PTPRQ: variants seen among roughly 807,000 people sequenced by gnomAD.
PTPRQ encodes protein tyrosine phosphatase receptor type Q.
Under a neutral mutation model 246.0 loss-of-function variants are expected in PTPRQ, and 199 were observed. The observed-to-expected ratio is 0.81, with a 90% CI of 0.72 to 0.91. The LOEUF (loss-of-function observed/expected upper bound fraction) is 0.91. PTPRQ is among the 40% of genes least tolerant of loss of function. The pLI, the probability that PTPRQ is intolerant of heterozygous loss-of-function variation, is 0.00. For synonymous variants in PTPRQ, 869 were observed against 853.2 expected, an observed-to-expected ratio of 1.02 and a Z score of -0.32; for missense variants, 2,624 against 2,528.4, an observed-to-expected ratio of 1.04 and a Z score of -0.81.
chr12:80,541,690 G>A lies in PTPRQ; in HGVS notation c.3290G>A (p.Arg1097His), dbSNP rs535071906. Residue 1097 changes from arginine to histidine, a missense_variant, in exon 21 of 45, where the codon CGC becomes CAC. Transcript: ENST00000644991. ...YVSLILQQTP[R>H]HVRPPLVTYE... ...TCACTGATCTTACAGCAGACTCCTC[G>A]CCATGTGAGACCACCTCTTGTTACA... The A allele has an allele frequency of 1.2e-5, 19 of 1,551,200 alleles. No individual in the cohort carries two copies. The highest frequency in any genetic ancestry group is 1.2e-4 in the East Asian group (5 of 40,896).
intron 25 of PTPRQ, among the ~76,000 whole-genome samples, chr12:80,556,903 G>A (rs985416349): frequency 6.6e-6 from 1 of 152,176 alleles, no homozygotes; most frequent in African/African-American, 2.4e-5. Flanking sequence ...AGGAGTGTAA[G>A]CAGGAAGGTT....
chr12:80,605,283 T>C (rs897783273), intron 27 of PTPRQ, 103 bp downstream of exon 27: 2 of 1,372,654 alleles, frequency 1.5e-6, no homozygotes, highest in African/African-American at 1.5e-5. Flanking sequence ...TGTTAGACAG[T>C]AGGAAAATTA....
intron 43 of PTPRQ, among the ~76,000 whole-genome samples, chr12:80,675,882 G>C (rs1901120378): frequency 6.6e-6 from 1 of 152,086 alleles, no homozygotes; most frequent in African/African-American, 2.4e-5. Flanking sequence ...TGTTTAGTTA[G>C]CCTCTTTGAG....
intron 9 of PTPRQ, among the ~76,000 whole-genome samples, chr12:80,486,345 C>T (rs1308501245): frequency 6.6e-6 from 1 of 152,144 alleles, no homozygotes; most frequent in African/African-American, 2.4e-5. Flanking sequence ...CTCTTTACTT[C>T]TCTGATTATA....
intron 38 of PTPRQ, among the ~76,000 whole-genome samples, chr12:80,653,369 A>G (rs1900317028): frequency 6.6e-6 from 1 of 152,194 alleles, no homozygotes; most frequent in South Asian, 2.1e-4. Flanking sequence ...AAACAGTGTT[A>G]TTGCTTAAAG....
rs538709783 is a variant in PTPRQ, at chr12:80,466,028, G to A, written c.911-2682G>A. Among the ~76,000 whole-genome samples the A allele has an allele frequency of 4.6e-5, 7 of 152,212 alleles. No homozygotes were observed. The East Asian group carries it at 9.7e-4, about 21-fold the overall frequency. On this transcript the variant is annotated intron_variant, in intron 6 of 44. Coordinates refer to ENST00000644991, the MANE Select transcript of PTPRQ (RefSeq NM_001145026.2). ...CAGGGCAATTAGGCAGGAGAAGGAA[G>A]TAAACGGTATTCAATTAGGAAAAGA...
rs1171117342 is a variant in PTPRQ, at chr12:80,493,303, T to G, written c.1388T>G (p.Ile463Ser). Residue 463 changes from isoleucine (I) to serine (S), a missense_variant, in exon 10 of 45, where the codon ATT becomes AGT. Transcript: ENST00000644991. ...EYINDPMAPE[I>S]VNIVEPMVGL... ...ATAAATGACCCCATGGCTCCAGAAA[T>G]TGTGAACATAGTAGAGCCAATGGTA... 1 of 1,540,280 alleles carries G rather than the reference T, an allele frequency of 6.5e-7. No individual in the cohort carries two copies. Among genetic ancestry groups the G allele is most frequent in the Non-Finnish European group, 8.8e-7 (1 of 1,142,348 alleles).
Position 80,610,427 on chromosome 12 carries a change from A to G in PTPRQ, c.4732-12A>G, listed in dbSNP as rs1320681570. The G allele has an allele frequency of 1.0e-5, 15 of 1,451,792 alleles. No individual in the cohort carries two copies. Among genetic ancestry groups the G allele is most frequent in the South Asian group, 1.4e-5 (1 of 69,114 alleles). 89.9% of individuals were successfully genotyped at this position (1,451,792 alleles called of 1,614,324 possible). Reference sequence around the variant, plus strand: ...TGCTGCTTCCTTAATTTTTACTTATATTTTCCTATAGGTAGATAATGATGA... The same window carrying G: ...TGCTGCTTCCTTAATTTTTACTTATGTTTTCCTATAGGTAGATAATGATGA... On this transcript the variant is annotated splice_polypyrimidine_tract_variant and intron_variant, in intron 27 of 44. Transcript: ENST00000644991.
intron 23 of PTPRQ, among the ~76,000 whole-genome samples, chr12:80,545,765 A>G (rs1451598030): frequency 1.4e-5 from 2 of 147,638 alleles, no homozygotes; most frequent in Non-Finnish European, 3.0e-5. Flanking sequence ...ATAATAATTT[A>G]TTATTATTAT....
Position 80,603,413 on chromosome 12 carries a change from C to T in PTPRQ, c.4610-1646C>T, listed in dbSNP as rs182941137. Among the ~76,000 whole-genome samples the T allele has an allele frequency of 1.1e-3, 162 of 151,794 alleles. 1 individual carries two copies. The highest frequency in any genetic ancestry group is 2.9e-3 in the African/African-American group (120 of 41,484). ...AAAGAATAAACTCCAAATTCTTTAACGTAACAATCAGGTACTCTCTAGCTT... is the reference window on the plus strand; with the variant it reads ...AAAGAATAAACTCCAAATTCTTTAATGTAACAATCAGGTACTCTCTAGCTT... On this transcript the variant is annotated intron_variant, in intron 26 of 44. Coordinates refer to ENST00000644991, the MANE Select transcript of PTPRQ (RefSeq NM_001145026.2).
chr12:80,531,145 A>G (rs899906124), intron 17 of PTPRQ, among the ~76,000 whole-genome samples: 1 of 152,082 alleles, frequency 6.6e-6, no homozygotes, highest in Non-Finnish European at 1.5e-5. Flanking sequence ...CATTGTTAAT[A>G]ATAGCTAAAG....
chr12:80,445,917 A>C (rs994370606), intron 3 of PTPRQ, among the ~76,000 whole-genome samples, 200 bp downstream of exon 3: 3 of 151,862 alleles, frequency 2.0e-5, no homozygotes, highest in Admixed American at 2.0e-4. Context: ...AATTTTATGC[A>C]TATTTATATA....
intron 14 of PTPRQ, among the ~76,000 whole-genome samples, chr12:80,501,021 T>G (rs1894783296): frequency 6.6e-6 from 1 of 151,846 alleles, no homozygotes; most frequent in Admixed American, 6.6e-5. Flanking sequence ...CAGGATTGAA[T>G]AAGATGAGGA....
At chr12:80,511,447 C>A (rs571585684) in intron 17 of PTPRQ, among the ~76,000 whole-genome samples, 1 of 152,246 alleles carries the variant, frequency 6.6e-6, no homozygotes, top group Admixed American at 6.5e-5. Context: ...CTCATTCATT[C>A]ATTGAACAAT....
In PTPRQ at chr12:80,669,371, C is replaced by G; in HGVS notation, c.6360C>G (p.Asn2120Lys). The change falls in exon 41 of 45, where the codon AAC becomes AAG. Residue 2120 changes from asparagine (N) to lysine (K), a missense_variant. Physicochemically the swap from Asn to Lys is moderately conservative, Grantham distance 94. Coordinates refer to ENST00000644991, the MANE Select transcript of PTPRQ (RefSeq NM_001145026.2). ...GCCATCAGTATTGGCCAGAGGACAA[C>G]AAGCCAGTTACTGTCTTTGGAGATA... The part of the protein sequence containing the change: ...IRCHQYWPED[N>K]KPVTVFGDIV... 2.6e-6 allele frequency: 4 copies of G among 1,549,406 alleles called. No homozygotes were observed. Among genetic ancestry groups the G allele is most frequent in the Non-Finnish European group, 3.5e-6 (4 of 1,145,894 alleles).
At chr12:80,634,066 A>G (rs889595872) in intron 34 of PTPRQ, among the ~76,000 whole-genome samples, 2 of 152,158 alleles carry the variant, frequency 1.3e-5, no homozygotes, top group Non-Finnish European at 2.9e-5. Flanking sequence ...TACCTCCTCT[A>G]AATAATAATA....
chr12:80,607,620 A>T (rs761398272), intron 27 of PTPRQ, among the ~76,000 whole-genome samples: 1 of 150,888 alleles, frequency 6.6e-6, no homozygotes, highest in African/African-American at 2.4e-5. Context: ...ATATGTAATT[A>T]TCAACATTCA....
chr12:80,493,362 G>A lies in PTPRQ; in HGVS notation c.1447G>A (p.Asp483Asn), dbSNP rs1456428657. Residue 483 changes from aspartate (D) to asparagine (N), a missense_variant, in exon 10 of 45, where the codon GAC becomes AAC. By Grantham distance (23) the Asp-to-Asn change is conservative. Coordinates refer to ENST00000644991, the MANE Select transcript of PTPRQ (RefSeq NM_001145026.2). ...TGAGGGTTCAGCAGAGATGTCGTCTGACCTTCACTCACTTGCTACATTTAT... is the reference window on the plus strand; with the variant it reads ...TGAGGGTTCAGCAGAGATGTCGTCTAACCTTCACTCACTTGCTACATTTAT... ...LYEGSAEMSS[D>N]LHSLATFIYN... 2 of 1,550,168 alleles carry A rather than the reference G, an allele frequency of 1.3e-6. No homozygotes were observed. Among genetic ancestry groups the A allele is most frequent in the East Asian group, 2.4e-5 (1 of 40,862 alleles).
At chr12:80,641,559 G>C (rs1235150374) in intron 35 of PTPRQ, among the ~76,000 whole-genome samples, 1 of 152,164 alleles carries the variant, frequency 6.6e-6, no homozygotes, top group Non-Finnish European at 1.5e-5. Context: ...TTTAACTTCA[G>C]ATTAACTAGT....
Sources: gnomAD v4.1 joint callset for allele counts (sites outside exome capture counted in the v4.1 genomes callset) on GRCh38, gnomAD v4.1.1 for gene constraint, MANE v1.5 for transcripts, NCBI Gene and HGNC (gene_info 2026-07-23, HGNC 2026-07-21) for gene names.